Variants in KLRG2 observed in about 807,000 individuals in gnomAD.
KLRG2 encodes the protein killer cell lectin like receptor G2.
A neutral mutation model predicts 35.4 loss-of-function variants in KLRG2; 39 were observed. The observed-to-expected ratio is 1.10, with a 90% CI of 0.85 to 1.44. KLRG2 has a LOEUF of 1.44. Among genes scored for constraint, KLRG2 ranks in the 40% most tolerant of loss-of-function variants. The probability of loss-of-function intolerance (pLI) is 0.00; values close to 1 mark genes in which losing one functional copy is unlikely to be tolerated. For missense variants in KLRG2, 632 were observed against 570.9 expected, an observed-to-expected ratio of 1.11 and a Z score of -1.09; for synonymous variants, 283 against 265.8, an observed-to-expected ratio of 1.06 and a Z score of -0.63.
At chr7:139,443,679 A>G in the KLRG2 span, among the ~76,000 whole-genome samples, 2 of 152,098 alleles carry the variant, frequency 1.3e-5, no homozygotes, top group African/African-American at 2.4e-5. Context: ...CTCCTGCCTC[A>G]GCCTCCCAAG....
the KLRG2 span, among the ~76,000 whole-genome samples, chr7:139,445,781 G>GTATATATATATATATATATGTATA: frequency 4.1e-5 from 4 of 98,506 alleles, 1 homozygote; most frequent in African/African-American, 3.1e-4. Flanking sequence ...ATATATATAT[G>GTATATATATATATATATATGTATA]TATATATATA....
At chr7:139,437,112 T>C in the KLRG2 span, among the ~76,000 whole-genome samples, 1 of 152,224 alleles carries the variant, frequency 6.6e-6, no homozygotes, top group African/African-American at 2.4e-5. Context: ...GCCTCTAGAC[T>C]CTTCCTACAG....
the KLRG2 span, among the ~76,000 whole-genome samples, chr7:139,441,510 T>A: frequency 2.0e-5 from 3 of 151,918 alleles, no homozygotes; most frequent in Non-Finnish European, 4.4e-5. Flanking sequence ...TTAAGAGAAA[T>A]ACCTAATGTA....
intron 3 of KLRG2, among the ~76,000 whole-genome samples, chr7:139,474,327 T>G (rs1422688241): frequency 2.0e-5 from 3 of 152,164 alleles, no homozygotes; most frequent in Non-Finnish European, 4.4e-5. Flanking sequence ...TGCCCCACCT[T>G]GGCTCAGACT....
Position 139,479,769 on chromosome 7 carries a change from G to A in KLRG2, c.863C>T (p.Ala288Val). 1 of 1,613,270 alleles carries A rather than the reference G, an allele frequency of 6.2e-7. No homozygotes were observed. The highest frequency in any genetic ancestry group is 8.5e-7 in the Non-Finnish European group (1 of 1,179,650). Reference protein sequence around the residue: ...VIVVLASRAGARCQQCPPGWV... With the variant: ...VIVVLASRAGVRCQQCPPGWV... ...GCCTGGGGGGCACTGCTGGCATCTG[G>A]CTCCTGCAAGCACAGAGACTGCTGG... Residue 288 changes from alanine to valine, a missense_variant, in exon 3 of 5, where the codon GCC (alanine) becomes GTC (valine). Ala to Val is a moderately conservative substitution (Grantham distance 64). Coordinates refer to ENST00000340940, the MANE Select transcript of KLRG2 (RefSeq NM_198508.4).
At chr7:139,461,134 C>T (rs759488560) in intron 3 of KLRG2, among the ~76,000 whole-genome samples, 3 of 151,706 alleles carry the variant, frequency 2.0e-5, no homozygotes, top group African/African-American at 7.3e-5. Flanking sequence ...CTGTAATCCC[C>T]GCTACTCAGG....
chr7:139,439,290 T>A, the KLRG2 span, among the ~76,000 whole-genome samples: 1 of 152,204 alleles, frequency 6.6e-6, no homozygotes, highest in Non-Finnish European at 1.5e-5. Flanking sequence ...ACTCCGCTTC[T>A]ACGAACTCTA....
chr7:139,449,295 G>C (rs988227294), downstream of KLRG2, among the ~76,000 whole-genome samples: 1 of 150,322 alleles, frequency 6.7e-6, no homozygotes, highest in Non-Finnish European at 1.5e-5. Context: ...CCAGCTACTC[G>C]GAGGCTGAGG....
chr7:139,455,327 T>TAACTTGGAAAAAAAAGTTTAAATC, intron 3 of KLRG2, among the ~76,000 whole-genome samples: 1 of 150,730 alleles, frequency 6.6e-6, no homozygotes, highest in East Asian at 1.9e-4. Flanking sequence ...CAAGATTTTT[T>TAACTTGGAAAAAAAAGTTTAAATC]TTTTTTTTTT....
chr7:139,479,082 T>A (rs893453934), intron 3 of KLRG2, among the ~76,000 whole-genome samples: 9 of 152,206 alleles, frequency 5.9e-5, no homozygotes, highest in African/African-American at 2.2e-4. Flanking sequence ...ATTTTTATTT[T>A]TATTTATTTA....
At position 139,479,747 on chromosome 7, in the gene KLRG2, TG is replaced by T. The variant is rs538946637; in HGVS notation, c.884del (p.Pro295GlnfsTer37). The T allele has an allele frequency of 6.2e-7, 1 of 1,613,888 alleles. No homozygotes were observed. On this transcript the variant is annotated frameshift_variant, in exon 3 of 5. Coordinates refer to ENST00000340940, the MANE Select transcript of KLRG2 (RefSeq NM_198508.4). LOFTEE classifies it high-confidence loss of function. ...RAGARCQQCP[P>X]GWVLSEEHCY... The stretch of plus-strand genomic sequence containing the variant: ...AGTGCTCCTCGGACAACACCCAGCC[TG>T]GGGGGCACTGCTGGCATCTGGCTCC...
At chr7:139,443,094 C>CT in the KLRG2 span, among the ~76,000 whole-genome samples, 1,507 of 120,546 alleles carry the variant, frequency 0.013, 33 homozygotes, top group Non-Finnish European at 0.017. Context: ...GGAAAAAAAA[C>CT]TTTTTTTTTT....
chr7:139,454,599 T>G (rs1038536035), intron 3 of KLRG2, among the ~76,000 whole-genome samples: 1 of 151,720 alleles, frequency 6.6e-6, no homozygotes, highest in Non-Finnish European at 1.5e-5. Flanking sequence ...GCAGATTACC[T>G]GAGGCCAGGA....
intron 1 of KLRG2, among the ~76,000 whole-genome samples, chr7:139,482,003 T>C (rs910246242): frequency 1.3e-5 from 2 of 152,108 alleles, no homozygotes; most frequent in Non-Finnish European, 2.9e-5. Context: ...AACTACTCCC[T>C]CCAGTCTCCT....
At chr7:139,437,743 C>G in the KLRG2 span, among the ~76,000 whole-genome samples, 1 of 149,024 alleles carries the variant, frequency 6.7e-6, no homozygotes, top group Admixed American at 6.6e-5. Flanking sequence ...CAGGCGTGAG[C>G]CACCGCACCC....
At chr7:139,479,421 C>T (rs73484618) in intron 3 of KLRG2, among the ~76,000 whole-genome samples, 2,675 of 152,306 alleles carry the variant, frequency 0.018, 82 homozygotes, top group African/African-American at 0.061. Flanking sequence ...GTGGCACATG[C>T]CTGTAGCTAC....
At chr7:139,430,125 G>A in the KLRG2 span, among the ~76,000 whole-genome samples, 4 of 152,202 alleles carry the variant, frequency 2.6e-5, no homozygotes, top group Non-Finnish European at 4.4e-5. Context: ...TAAAACTGCC[G>A]GGCGCAATGG....
At position 139,482,893 on chromosome 7, in the gene KLRG2, C is replaced by G. The variant is rs751030371; in HGVS notation, c.750G>C (p.Thr250=). 3.0e-5 allele frequency: 44 copies of G among 1,477,884 alleles called. No homozygotes were observed. Among genetic ancestry groups the G allele is most frequent in the Non-Finnish European group, 3.9e-5 (44 of 1,126,038 alleles). The allele number at this position is 1,477,884 out of a possible 1,614,324, so 91.5% of individuals were successfully genotyped here. A position where few individuals can be genotyped will look rare whatever the true frequency, so the allele number is the denominator to read the frequency against. The stretch of plus-strand genomic sequence containing the variant: ...GCGCAGGTGAGCACTCACCCGTAAG[C>G]GTTACGGCCCGGGGCAGCTTCTCGT... ...DGDEKLPRAV[T]LTGLPMYVKS... is the part of the protein sequence containing the mutation. Residue 250 remains threonine (T), a synonymous_variant, in exon 1 of 5, where the codon ACG becomes ACC. Coordinates refer to ENST00000340940, the MANE Select transcript of KLRG2 (RefSeq NM_198508.4).
chr7:139,468,780 T>A (rs898820213), intron 3 of KLRG2, among the ~76,000 whole-genome samples: 1 of 152,214 alleles, frequency 6.6e-6, no homozygotes, highest in Non-Finnish European at 1.5e-5. Context: ...CTAAAGTTCA[T>A]ATGTGGGTGC....
Sources: allele counts gnomAD v4.1 joint callset (sites outside exome capture counted in the v4.1 genomes callset), GRCh38; gene constraint gnomAD v4.1.1; transcripts MANE v1.5; gene names NCBI Gene and HGNC (gene_info 2026-07-23, HGNC 2026-07-21).